Variants in NETO2 observed in about 807,000 individuals in gnomAD.
NETO2 encodes neuropilin and tolloid like 2.
NETO2 carries 28 observed loss-of-function variants against 62.5 expected under a neutral mutation model. That is an observed-to-expected ratio of 0.45 (90% CI 0.33 to 0.61). NETO2 has a LOEUF of 0.61. Ranked by LOEUF, NETO2 falls within the 20% of genes least tolerant of loss-of-function variation. The pLI is 0.02. For synonymous variants in NETO2, 214 were observed against 219.1 expected, an observed-to-expected ratio of 0.98 and a Z score of 0.21; for missense variants, 548 against 643.2, an observed-to-expected ratio of 0.85 and a Z score of 1.60.
intron 3 of NETO2, 143 bp downstream of exon 3, chr16:47,129,081 G>T: frequency 2.5e-6 from 2 of 788,864 alleles, no homozygotes; most frequent in Non-Finnish European, 4.1e-6. Context: ...TATTCAATAT[G>T]CAGAAATACT....
rs917098209 is a variant in NETO2, at chr16:47,082,504, T to C, written c.*717A>G. 3 of 152,242 alleles carry C rather than the reference T, an allele frequency of 2.0e-5. No individual in the cohort carries two copies. The allele number at this position is 152,242 out of a possible 1,614,324, so 9.4% of individuals were successfully genotyped here. On this transcript the variant is annotated 3_prime_UTR_variant, in exon 9 of 9. Coordinates refer to ENST00000562435, the MANE Select transcript of NETO2 (RefSeq NM_018092.5). ...CAATGGTACATATATCCCAGGATTA[T>C]GAAATTTTCTAGTATAACTGAGAAA... is the stretch of plus-strand genomic sequence containing the variant.
intron 6 of NETO2, among the ~76,000 whole-genome samples, chr16:47,114,312 T>C (rs984079997): frequency 1.3e-5 from 2 of 151,480 alleles, no homozygotes; most frequent in Non-Finnish European, 2.9e-5. Flanking sequence ...GAGTTTTGAG[T>C]TCTGGATGAA....
At chr16:47,122,989 C>G in intron 4 of NETO2, 77 bp from the exon 5 acceptor site, 1 of 1,366,502 alleles carries the variant, frequency 7.3e-7, no homozygotes, top group Non-Finnish European at 1.0e-6. Context: ...TTACATCTAA[C>G]GTTCCATTTC....
rs575653806 is a variant in NETO2 at position 47,135,072 on chromosome 16, G to T, written c.35-3047C>A. On this transcript the variant is annotated intron_variant, in intron 1 of 8. Transcript: ENST00000562435. ...GCACAGCAATTAGGGATAGAAAGAT[G>T]TACTGATACAGTTTTTGGTAATACA... Among the ~76,000 whole-genome samples the T allele has an allele frequency of 6.8e-4, 103 of 152,292 alleles. 1 individual carries two copies. Among genetic ancestry groups the T allele is most frequent in the African/African-American group, 2.3e-3 (97 of 41,570 alleles).
chr16:47,099,362 A>G (rs976444159), intron 7 of NETO2, among the ~76,000 whole-genome samples: 25 of 152,344 alleles, frequency 1.6e-4, no homozygotes, highest in Admixed American at 7.8e-4. Context: ...AAAACATACC[A>G]AATTTTAAAG....
At chr16:47,103,198 C>T (rs371816065) in intron 7 of NETO2, among the ~76,000 whole-genome samples, 2 of 152,104 alleles carry the variant, frequency 1.3e-5, no homozygotes, top group African/African-American at 4.8e-5. Context: ...GAAAAGAAAA[C>T]CAAACACTGC....
chr16:47,128,456 AGAG>A lies in NETO2; in HGVS notation c.347_349del (p.Pro116del), dbSNP rs1206859454. On this transcript the variant is annotated inframe_deletion, in exon 4 of 9. Coordinates refer to ENST00000562435, the MANE Select transcript of NETO2 (RefSeq NM_018092.5). ...TTTCACGCCACAGTAACGATCTATA[AGAG>A]GAGAGAAACCAAATGGCCCATCTCG... 6.2e-7 allele frequency: 1 copy of A among 1,614,122 alleles called. No homozygotes were observed. The highest frequency in any genetic ancestry group is 8.5e-7 in the Non-Finnish European group (1 of 1,179,982).
intron 6 of NETO2, among the ~76,000 whole-genome samples, chr16:47,118,907 A>G (rs1011783826): frequency 2.6e-5 from 4 of 152,170 alleles, no homozygotes; most frequent in Non-Finnish European, 4.4e-5. Flanking sequence ...AACTTCTGTC[A>G]TCAGTTCCCT....
chr16:47,126,791 C>T (rs1309332368), intron 4 of NETO2, among the ~76,000 whole-genome samples: 1 of 152,088 alleles, frequency 6.6e-6, no homozygotes, highest in African/African-American at 2.4e-5. Flanking sequence ...GTCTATTAGA[C>T]AATGTTTACT....
At chr16:47,110,304 C>T (rs1339139844) in intron 6 of NETO2, among the ~76,000 whole-genome samples, 6 of 152,148 alleles carry the variant, frequency 3.9e-5, no homozygotes, top group African/African-American at 9.7e-5. Flanking sequence ...GACAGGCAGA[C>T]GTCAACTGTA....
intron 7 of NETO2, among the ~76,000 whole-genome samples, chr16:47,092,756 G>A (rs942490549): frequency 1.1e-4 from 16 of 152,242 alleles, no homozygotes; most frequent in Admixed American, 8.5e-4. Context: ...TCTCCCTGGT[G>A]AAGGAAGCAG....
chr16:47,083,670 C>A lies in NETO2; in HGVS notation c.1129G>T (p.Val377Phe). Residue 377 changes from valine to phenylalanine, a missense_variant, in exon 9 of 9, where the codon GTC becomes TTC. By Grantham distance (50) the Val-to-Phe change is conservative. Coordinates refer to ENST00000562435, the MANE Select transcript of NETO2 (RefSeq NM_018092.5). ...LVQVKQPRKK[V>F]MACKTAFNKT... ...TTAAAAGCGGTTTTGCAAGCCATGACCTTTTTTCGAGGCTGTTTCACTTGT... is the reference window on the plus strand; with the variant it reads ...TTAAAAGCGGTTTTGCAAGCCATGAACTTTTTTCGAGGCTGTTTCACTTGT... 1 of 1,614,148 alleles carries A rather than the reference C, an allele frequency of 6.2e-7. No homozygotes were observed. The highest frequency in any genetic ancestry group is 8.5e-7 in the Non-Finnish European group (1 of 1,180,034).
chr16:47,116,241 C>A (rs1266808169), intron 6 of NETO2, among the ~76,000 whole-genome samples: 1 of 151,666 alleles, frequency 6.6e-6, no homozygotes, highest in Non-Finnish European at 1.5e-5. Flanking sequence ...TTGTATCAGC[C>A]TCCTTAACAG....
rs547266003 is a variant in NETO2 at position 47,124,438 on chromosome 16, T to TA, written c.482-1527dup. Among the ~76,000 whole-genome samples the TA allele has an allele frequency of 1.6e-4, 25 of 152,002 alleles. No homozygotes were observed. The East Asian group carries it at 3.1e-3, about 19-fold the overall frequency. On this transcript the variant is annotated intron_variant, in intron 4 of 8. Transcript: ENST00000562435. ...CCTCTCCCTCAGTAGAGAATTTCAT[T>TA]AAAAAAAATGAACTTCTCACCATTG...
At chr16:47,116,069 C>T (rs1963914945) in intron 6 of NETO2, among the ~76,000 whole-genome samples, 1 of 151,312 alleles carries the variant, frequency 6.6e-6, no homozygotes, top group South Asian at 2.1e-4. Flanking sequence ...TAGGACTTAG[C>T]TTGCTACAGA....
chr16:47,113,367 T>C (rs552142610), intron 6 of NETO2, among the ~76,000 whole-genome samples: 2 of 152,328 alleles, frequency 1.3e-5, no homozygotes, highest in African/African-American at 4.8e-5. Context: ...GCAGTCAAAA[T>C]CCATCTCCAG....
At chr16:47,125,106 A>G (rs180792960) in intron 4 of NETO2, among the ~76,000 whole-genome samples, 137 of 152,328 alleles carry the variant, frequency 9.0e-4, no homozygotes, top group African/African-American at 3.1e-3. Flanking sequence ...TTTTCTGTCA[A>G]GTAGTCTAAA....
chr16:47,077,822 C>T lies in NETO2; in HGVS notation c.*5399G>A, dbSNP rs974283318. On this transcript the variant is annotated 3_prime_UTR_variant, in exon 9 of 9. Transcript: ENST00000562435. ...CAGAGACAGACCAGTGGTAAACCTT[C>T]TTTCTTCTTCCTCTGTGCCCTGATC... 6.6e-6 allele frequency: 1 copy of T among 151,094 alleles called. No homozygotes were observed. Among genetic ancestry groups the T allele is most frequent in the African/African-American group, 2.5e-5 (1 of 40,398 alleles). 9.4% of individuals were successfully genotyped at this position (151,094 alleles called of 1,614,324 possible).
At chr16:47,097,301 T>C (rs1241096584) in intron 7 of NETO2, among the ~76,000 whole-genome samples, 2 of 152,206 alleles carry the variant, frequency 1.3e-5, no homozygotes, top group African/African-American at 4.8e-5. Flanking sequence ...AGCACAGCAG[T>C]CTGAAGTTGA....
Sources: gnomAD v4.1 joint callset for allele counts (sites outside exome capture counted in the v4.1 genomes callset) on GRCh38, gnomAD v4.1.1 for gene constraint, MANE v1.5 for transcripts, NCBI Gene and HGNC (gene_info 2026-07-23, HGNC 2026-07-21) for gene names.